Variants in DCC observed in about 807,000 individuals in gnomAD.
DCC encodes netrin receptor DCC.
In DCC, 58 loss-of-function variants were observed where a neutral mutation model predicts 172.5. The observed-to-expected ratio is 0.34, with a 90% CI of 0.27 to 0.42. The LOEUF (loss-of-function observed/expected upper bound fraction) is 0.42. DCC is among the 10% of genes least tolerant of loss of function. DCC has a pLI of 1.00. For missense variants in DCC, 1,740 were observed against 1,791.0 expected, an observed-to-expected ratio of 0.97 and a Z score of 0.51; for synonymous variants, 709 against 644.5, an observed-to-expected ratio of 1.10 and a Z score of -1.52.
intron 12 of DCC, among the ~76,000 whole-genome samples, chr18:53,242,536 T>A (rs1393212195): frequency 2.0e-5 from 3 of 152,196 alleles, no homozygotes; most frequent in Admixed American, 2.0e-4. Context: ...GCTTTCTTCA[T>A]GATAAGGTAA....
intron 1 of DCC, among the ~76,000 whole-genome samples, chr18:52,714,195 A>G (rs1403344820): frequency 3.9e-5 from 6 of 152,210 alleles, no homozygotes; most frequent in Admixed American, 3.9e-4. Context: ...GAGCCAGTCT[A>G]TCTGACCACA....
At chr18:52,359,194 G>A (rs1199061996) in intron 1 of DCC, among the ~76,000 whole-genome samples, 1 of 152,136 alleles carries the variant, frequency 6.6e-6, no homozygotes, top group Non-Finnish European at 1.5e-5. Flanking sequence ...ACTGCAGAGA[G>A]ATGTCTGTAT....
intron 11 of DCC, among the ~76,000 whole-genome samples, chr18:53,211,194 C>T (rs575492154): frequency 1.3e-5 from 2 of 152,226 alleles, no homozygotes; most frequent in African/African-American, 4.8e-5. Flanking sequence ...TTCTTGAATA[C>T]TTACTAATGG....
intron 1 of DCC, among the ~76,000 whole-genome samples, chr18:52,672,507 C>T (rs1288306309): frequency 6.6e-6 from 1 of 151,692 alleles, no homozygotes; most frequent in Non-Finnish European, 1.5e-5. Flanking sequence ...CGTTTCTTTC[C>T]TTACTTCCTC....
intron 7 of DCC, among the ~76,000 whole-genome samples, chr18:53,154,480 T>C (rs1275528718): frequency 1.3e-5 from 2 of 152,024 alleles, no homozygotes; most frequent in Non-Finnish European, 2.9e-5. Context: ...GAAAAATAAG[T>C]AGTAGAGTGA....
intron 5 of DCC, among the ~76,000 whole-genome samples, chr18:52,926,852 CGTGTGTGTGTAT>C (rs2040211290): frequency 7.0e-6 from 1 of 142,946 alleles, no homozygotes; most frequent in Non-Finnish European, 1.5e-5. Context: ...CACACATATA[CGTGTGTGTGTAT>C]ATATACATAT....
chr18:52,925,468 A>T, intron 5 of DCC, 98 bp downstream of exon 5: 2 of 1,319,082 alleles, frequency 1.5e-6, no homozygotes, highest in Non-Finnish European at 2.2e-6. Context: ...TATGTTTATT[A>T]GTGTGAAATT....
In DCC at chr18:52,700,195, C is replaced by T. The variant is rs377222664; in HGVS notation, c.92-51859C>T. 5.6e-3 allele frequency among the ~76,000 whole-genome samples: 811 copies of T among 145,984 alleles called. 9 individuals carry two copies. Among genetic ancestry groups the T allele is most frequent in the African/African-American group, 0.02 (775 of 39,350 alleles). On this transcript the variant is annotated intron_variant, in intron 1 of 28. Coordinates refer to ENST00000442544, the MANE Select transcript of DCC (RefSeq NM_005215.4). ...ACACACACATGCACACGCACACACA[C>T]GCACATACACACATGCACATGTGCA...
At chr18:52,898,964 A>G (rs988487432) in intron 2 of DCC, among the ~76,000 whole-genome samples, 8 of 152,070 alleles carry the variant, frequency 5.3e-5, no homozygotes, top group African/African-American at 1.9e-4. Flanking sequence ...CCCATTCAAA[A>G]CGTCTACTGA....
intron 5 of DCC, among the ~76,000 whole-genome samples, chr18:52,983,385 A>G (rs1351237612): frequency 6.6e-6 from 1 of 152,218 alleles, no homozygotes; most frequent in Non-Finnish European, 1.5e-5. Context: ...TGCAAACTTT[A>G]CTTCAATTTT....
intron 12 of DCC, among the ~76,000 whole-genome samples, chr18:53,268,712 G>A (rs918487428): frequency 2.0e-5 from 3 of 152,114 alleles, no homozygotes; most frequent in Admixed American, 6.6e-5. Context: ...GTGCTGTCAC[G>A]GTGATTTCAG....
intron 1 of DCC, among the ~76,000 whole-genome samples, chr18:52,371,198 T>A (rs1985108190): frequency 6.6e-6 from 1 of 152,206 alleles, no homozygotes; most frequent in Non-Finnish European, 1.5e-5. Flanking sequence ...TTGAAACTGG[T>A]ATTTTTATTT....
At chr18:52,441,660 A>C (rs970429360) in intron 1 of DCC, among the ~76,000 whole-genome samples, 2 of 152,186 alleles carry the variant, frequency 1.3e-5, no homozygotes, top group Non-Finnish European at 2.9e-5. Flanking sequence ...GGTATTTTCT[A>C]GTAAGGTTTG....
intron 2 of DCC, among the ~76,000 whole-genome samples, chr18:52,776,354 A>G (rs564190799): frequency 2.6e-5 from 4 of 151,904 alleles, no homozygotes; most frequent in African/African-American, 4.8e-5. Context: ...TTTAAAATGT[A>G]TTAGGTTTGT....
At chr18:52,591,652 A>G (rs1236813313) in intron 1 of DCC, among the ~76,000 whole-genome samples, 1 of 152,050 alleles carries the variant, frequency 6.6e-6, no homozygotes, top group African/African-American at 2.4e-5. Flanking sequence ...GGATGATCAC[A>G]GCTCACTGCA....
chr18:53,474,669 G>C (rs1266404659), intron 25 of DCC, among the ~76,000 whole-genome samples: 1 of 152,204 alleles, frequency 6.6e-6, no homozygotes, highest in Non-Finnish European at 1.5e-5. Flanking sequence ...ACATGGAACT[G>C]TAAGTCCAAT....
intron 27 of DCC, among the ~76,000 whole-genome samples, chr18:53,504,008 T>C (rs1308583720): frequency 6.6e-6 from 1 of 152,156 alleles, no homozygotes; most frequent in African/African-American, 2.4e-5. Flanking sequence ...CCCGTGCAAA[T>C]TGTGGCATGT....
intron 12 of DCC, among the ~76,000 whole-genome samples, chr18:53,240,033 A>AC (rs1206335128): frequency 3.7e-5 from 5 of 136,642 alleles, no homozygotes; most frequent in South Asian, 2.8e-4. Flanking sequence ...AGTTAAAAAA[A>AC]AAAAAAAAAA....
intron 2 of DCC, among the ~76,000 whole-genome samples, chr18:52,854,759 T>G (rs2145347819): frequency 6.6e-6 from 1 of 152,158 alleles, no homozygotes; most frequent in South Asian, 2.1e-4. Context: ...GCCAGCAGGG[T>G]TTGGGGCTAT....
Sources: allele counts gnomAD v4.1 joint callset (sites outside exome capture counted in the v4.1 genomes callset), GRCh38; gene constraint gnomAD v4.1.1; transcripts MANE v1.5; gene names NCBI Gene and HGNC (gene_info 2026-07-23, HGNC 2026-07-21).